The following NARS2 variants were observed in gnomAD, a reference collection of about 807,000 sequenced individuals.
NARS2 encodes asparaginyl-tRNA synthetase.
In NARS2, 60 loss-of-function variants were observed where a neutral mutation model predicts 62.9. That is an observed-to-expected ratio of 0.95 (90% confidence interval 0.77 to 1.18). NARS2 has a LOEUF of 1.18. Among genes scored for constraint, NARS2 ranks in the 50% most tolerant of loss-of-function variants. The pLI, the probability that NARS2 is intolerant of heterozygous loss-of-function variation, is 0.00. For missense variants in NARS2, 619 were observed against 576.4 expected, an observed-to-expected ratio of 1.07 and a Z score of -0.76; for synonymous variants, 196 against 200.0, an observed-to-expected ratio of 0.98 and a Z score of 0.17.
At chr11:78,545,753 C>T (rs941790227) in intron 5 of NARS2, among the ~76,000 whole-genome samples, 23 of 152,082 alleles carry the variant, frequency 1.5e-4, no homozygotes, top group African/African-American at 4.6e-4. Context: ...AGGCTGGTCT[C>T]GAACTCCTGG....
chr11:78,498,373 C>G (rs188279634), intron 6 of NARS2, among the ~76,000 whole-genome samples: 1 of 152,144 alleles, frequency 6.6e-6, no homozygotes, highest in African/African-American at 2.4e-5. Context: ...TTTTACATGC[C>G]GCTTTAGCTG....
At chr11:78,456,133 G>A (rs1354837815) in intron 11 of NARS2, among the ~76,000 whole-genome samples, 1 of 152,014 alleles carries the variant, frequency 6.6e-6, no homozygotes, top group Non-Finnish European at 1.5e-5. Flanking sequence ...TAATAATGAA[G>A]ATTCCTCGAC....
At chr11:78,468,310 G>GAAAAAAAAAAAAAAAAAAAAAAAAAAAAA (rs764254167) in intron 10 of NARS2, among the ~76,000 whole-genome samples, 5 of 67,432 alleles carry the variant, frequency 7.4e-5, no homozygotes, top group African/African-American at 2.9e-4. Context: ...CACTAAATCT[G>GAAAAAAAAAAAAAAAAAAAAAAAAAAAAA]AAAAAAAAAA....
At chr11:78,498,772 T>A (rs905303678) in intron 6 of NARS2, among the ~76,000 whole-genome samples, 3 of 151,668 alleles carry the variant, frequency 2.0e-5, no homozygotes, top group African/African-American at 7.3e-5. Flanking sequence ...AAATAAAAAA[T>A]TTACATCAAT....
intron 7 of NARS2, among the ~76,000 whole-genome samples, chr11:78,481,762 G>A (rs1859365066): frequency 6.6e-6 from 1 of 152,264 alleles, no homozygotes; most frequent in East Asian, 1.9e-4. Context: ...AGAACATTCT[G>A]ATTTAAGAGA....
At chr11:78,515,626 T>G (rs1356896101) in intron 6 of NARS2, among the ~76,000 whole-genome samples, 2 of 151,718 alleles carry the variant, frequency 1.3e-5, no homozygotes, top group Non-Finnish European at 2.9e-5. Context: ...CAAGCAATCC[T>G]CCTGCCTCAG....
chr11:78,524,921 TA>T (rs1861243334), intron 6 of NARS2, among the ~76,000 whole-genome samples: 1 of 152,136 alleles, frequency 6.6e-6, no homozygotes, highest in Non-Finnish European at 1.5e-5. Flanking sequence ...GGTGAACTGA[TA>T]AATTGTGTTA....
intron 11 of NARS2, among the ~76,000 whole-genome samples, chr11:78,460,448 C>A (rs969644973): frequency 6.6e-6 from 1 of 151,816 alleles, no homozygotes; most frequent in Non-Finnish European, 1.5e-5. Flanking sequence ...AATGGGAGAA[C>A]TGATTCAGAA....
At chr11:78,451,344 A>T (rs550460674) in intron 11 of NARS2, among the ~76,000 whole-genome samples, 2 of 152,350 alleles carry the variant, frequency 1.3e-5, no homozygotes, top group South Asian at 2.1e-4. Context: ...TGGGCTAGTT[A>T]CTAGAAAAAC....
intron 6 of NARS2, among the ~76,000 whole-genome samples, chr11:78,504,905 C>A (rs1356575598): frequency 1.3e-5 from 2 of 152,140 alleles, no homozygotes; most frequent in Non-Finnish European, 2.9e-5. Flanking sequence ...CCCTTTCACT[C>A]TTTAAAGTGT....
chr11:78,536,040 T>C (rs1033226981), intron 5 of NARS2, among the ~76,000 whole-genome samples: 2 of 152,200 alleles, frequency 1.3e-5, no homozygotes, highest in East Asian at 3.8e-4. Context: ...AGATAAAATA[T>C]AGTCATGTAC....
rs1857073975 is a variant in NARS2, at chr11:78,574,848, T to G, written c.-360A>C. The G allele has an allele frequency of 1.3e-5, 3 of 226,504 alleles. No individual in the cohort carries two copies. Among genetic ancestry groups the G allele is most frequent in the African/African-American group, 2.3e-5 (1 of 43,390 alleles). 14.0% of individuals were successfully genotyped at this position (226,504 alleles called of 1,614,324 possible). On this transcript the variant is annotated 5_prime_UTR_variant, in exon 1 of 14. It removes the in-frame stop codon of an upstream open reading frame in the 5' UTR. Coordinates refer to ENST00000281038, the MANE Select transcript of NARS2 (RefSeq NM_024678.6). The stretch of plus-strand genomic sequence containing the variant: ...TCCTACCACACCACGCCAACGCCGC[T>G]TACGTCATCACGCTACGGGGAAGAA...
At chr11:78,506,600 T>C (rs1860507871) in intron 6 of NARS2, among the ~76,000 whole-genome samples, 1 of 152,172 alleles carries the variant, frequency 6.6e-6, no homozygotes, top group South Asian at 2.1e-4. Flanking sequence ...AGTGGTGCAA[T>C]CTCAGCTCAC....
intron 7 of NARS2, among the ~76,000 whole-genome samples, chr11:78,486,253 T>C (rs1481002695): frequency 6.6e-6 from 1 of 152,108 alleles, no homozygotes; most frequent in Non-Finnish European, 1.5e-5. Flanking sequence ...AATAACATGG[T>C]GGCAACTAAG....
chr11:78,518,904 G>T (rs1255156778), intron 6 of NARS2, among the ~76,000 whole-genome samples: 1 of 152,194 alleles, frequency 6.6e-6, no homozygotes, highest in Non-Finnish European at 1.5e-5. Context: ...AGCAGGAAGA[G>T]AGTCAAGTAG....
At chr11:78,530,693 C>G (rs1861445663) in intron 5 of NARS2, among the ~76,000 whole-genome samples, 1 of 152,096 alleles carries the variant, frequency 6.6e-6, no homozygotes, top group Admixed American at 6.5e-5. Flanking sequence ...GGATGGTCTC[C>G]TGACCTCAAG....
At chr11:78,564,646 A>AT (rs1856681608) in intron 4 of NARS2, among the ~76,000 whole-genome samples, 1 of 152,164 alleles carries the variant, frequency 6.6e-6, no homozygotes, top group Non-Finnish European at 1.5e-5. Flanking sequence ...AGAACTAATA[A>AT]TTTATCAGCT....
At chr11:78,457,797 A>C (rs1286863777) in intron 11 of NARS2, among the ~76,000 whole-genome samples, 2 of 148,536 alleles carry the variant, frequency 1.3e-5, no homozygotes, top group Admixed American at 6.7e-5. Flanking sequence ...ATTATGTAAC[A>C]ACACACACAC....
In NARS2 at chr11:78,492,455, T is replaced by C. The variant is rs544155585; in HGVS notation, c.822+608A>G. The stretch of plus-strand genomic sequence containing the variant: ...CCTTCATTTTCCAATTTAGAACTCT[T>C]GCTCCTTAAATTTTGGGTAAAGTTC... On this transcript the variant is annotated intron_variant, in intron 7 of 13. Transcript: ENST00000281038. 2.0e-5 allele frequency among the ~76,000 whole-genome samples: 3 copies of C among 152,166 alleles called. No individual in the cohort carries two copies. In the South Asian group the frequency reaches 6.2e-4, roughly 32 times the overall value.
Sources: allele counts gnomAD v4.1 joint callset (sites outside exome capture counted in the v4.1 genomes callset), GRCh38; gene constraint gnomAD v4.1.1; transcripts MANE v1.5; gene names NCBI Gene and HGNC (gene_info 2026-07-23, HGNC 2026-07-21).